Variants in PCSK4 observed in about 807,000 individuals in gnomAD.
The protein encoded by PCSK4 is proprotein convertase subtilisin/kexin type 4.
A neutral mutation model predicts 80.3 loss-of-function variants in PCSK4; 64 were observed. That is an observed-to-expected ratio of 0.80 (90% confidence interval 0.65 to 0.98). The LOEUF (loss-of-function observed/expected upper bound fraction) is 0.98. PCSK4 is among the 50% of genes least tolerant of loss of function. The probability of loss-of-function intolerance (pLI) is 0.00; values close to 1 mark genes in which losing one functional copy is unlikely to be tolerated. For synonymous variants in PCSK4, 561 were observed against 487.6 expected, an observed-to-expected ratio of 1.15 and a Z score of -1.98; for missense variants, 1,213 against 1,093.6, an observed-to-expected ratio of 1.11 and a Z score of -1.54.
exon 14 of PCSK4, chr19:1,482,353 C>T (rs1286268345): frequency 1.3e-6 from 2 of 1,540,654 alleles, no homozygotes; most frequent in East Asian, 2.4e-5. Context: ...CGGCACTCAC[C>T]CTGGCACAGC....
chr19:1,489,090 A>T (rs1398620606), intron 2 of PCSK4, among the ~76,000 whole-genome samples: 1 of 149,146 alleles, frequency 6.7e-6, no homozygotes, highest in Non-Finnish European at 1.5e-5. Context: ...GCGCCTGGAC[A>T]CTGCGTCCTG....
At chr19:1,487,910 G>A (rs2084722813) in intron 4 of PCSK4, 49 bp from the exon 5 acceptor site, 5 of 1,581,466 alleles carry the variant, frequency 3.2e-6, no homozygotes, top group Non-Finnish European at 4.3e-6. Context: ...CCCTAGGGTG[G>A]TGCCAGCCTC....
chr19:1,489,922 A>T, intron 1 of PCSK4, 25 bp from the exon 2 acceptor site: 1 of 1,581,732 alleles, frequency 6.3e-7, no homozygotes, highest in Non-Finnish European at 8.6e-7. Context: ...AAGCGGCCGC[A>T]CCGATGGGAC....
At chr19:1,488,887 C>G (rs2084786456) in intron 2 of PCSK4, among the ~76,000 whole-genome samples, 2 of 152,176 alleles carry the variant, frequency 1.3e-5, no homozygotes, top group South Asian at 4.1e-4. Context: ...GGCCTGGCTT[C>G]TCTCTTGCAA....
chr19:1,490,333 G>C (rs770806695), exon 1 of PCSK4: 3 of 1,326,036 alleles, frequency 2.3e-6, no homozygotes, highest in South Asian at 2.7e-5. Context: ...CAGCGCAATC[G>C]GGGCGGGCCG....
upstream of PCSK4, chr19:1,490,541 C>A: frequency 2.0e-6 from 1 of 504,126 alleles, no homozygotes; most frequent in South Asian, 3.0e-5. Context: ...GCCTGCCCGT[C>A]TTCCGCAGAC....
rs563429080 is a variant in PCSK4 at position 1,484,007 on chromosome 19, C to T, written c.1169+20G>A. 38 of 1,517,468 alleles carry T rather than the reference C, an allele frequency of 2.5e-5. No individual in the cohort carries two copies. Among genetic ancestry groups the T allele is most frequent in the Non-Finnish European group, 2.6e-5 (30 of 1,133,314 alleles). 94.0% of individuals were successfully genotyped at this position (1,517,468 alleles called of 1,614,324 possible). A position where few individuals can be genotyped will look rare whatever the true frequency, so the allele number is the denominator to read the frequency against. ...GCGCCTGGGGGCGAGGGCGGTGGAC[C>T]GGGCCCCGCAGTCACCTACTTGGCC... On this transcript the variant is annotated intron_variant, in intron 9 of 14. Coordinates refer to ENST00000300954, the Ensembl canonical transcript of PCSK4.
exon 9 of PCSK4, chr19:1,484,087 G>T: frequency 6.4e-7 from 1 of 1,567,164 alleles, no homozygotes; most frequent in South Asian, 1.2e-5. Context: ...CGAGGTGCCC[G>T]TGTGCTGGTC....
intron 12 of PCSK4, 105 bp downstream of exon 12, chr19:1,483,179 G>A: frequency 7.7e-7 from 1 of 1,301,920 alleles, no homozygotes; most frequent in Non-Finnish European, 1.0e-6. Flanking sequence ...AGGCTGCCGT[G>A]TGACTCCTAT....
At chr19:1,484,837 G>C (rs1004007630) in intron 8 of PCSK4, among the ~76,000 whole-genome samples, 2 of 151,764 alleles carry the variant, frequency 1.3e-5, no homozygotes, top group African/African-American at 2.4e-5. Flanking sequence ...ATAGTACCAA[G>C]AACTGAAGTC....
At chr19:1,486,094 T>C (rs1385058295) in intron 8 of PCSK4, among the ~76,000 whole-genome samples, 1 of 151,964 alleles carries the variant, frequency 6.6e-6, no homozygotes, top group East Asian at 1.9e-4. Flanking sequence ...TGCCTCAGCC[T>C]CCTGAGTAGC....
At chr19:1,482,444 A>G (rs771543816) in exon 14 of PCSK4, 11 of 1,607,634 alleles carry the variant, frequency 6.8e-6, no homozygotes, top group Non-Finnish European at 8.5e-6. Context: ...CGGCCGTCCC[A>G]TAGAGCAGCA....
chr19:1,487,118 G>A, intron 7 of PCSK4, 23 bp downstream of exon 7: 1 of 1,602,390 alleles, frequency 6.2e-7, no homozygotes. Context: ...TGCCACCCCT[G>A]CCCTCCTCGG....
At chr19:1,481,938 C>A in exon 15 of PCSK4, 2 of 1,597,334 alleles carry the variant, frequency 1.3e-6, no homozygotes, top group Non-Finnish European at 1.7e-6. Flanking sequence ...CAGGCGGCAG[C>A]TCTAAGCCGG....
chr19:1,487,634 ACCAC>A lies in PCSK4; in HGVS notation c.647_650del (p.Cys216LeufsTer29), dbSNP rs1405630787. ...TTCGGGCGTTGAAAGCGACCCCCACACCACAGAAGCCATTGTTGGCCATCGCGGC... is the reference window on the plus strand; with the variant it reads ...TTCGGGCGTTGAAAGCGACCCCCACAAGAAGCCATTGTTGGCCATCGCGGC... On this transcript the variant is annotated frameshift_variant, in exon 6 of 15. Coordinates refer to ENST00000300954, the Ensembl canonical transcript of PCSK4. LOFTEE classifies it high-confidence loss of function. 1 of 1,553,788 alleles carries A rather than the reference ACCAC, an allele frequency of 6.4e-7. No individual in the cohort carries two copies. Among genetic ancestry groups the A allele is most frequent in the South Asian group, 1.2e-5 (1 of 84,260 alleles).
intron 6 of PCSK4, 48 bp downstream of exon 6, chr19:1,487,555 C>T (rs568169170): frequency 1.1e-5 from 16 of 1,466,544 alleles, no homozygotes; most frequent in Non-Finnish European, 1.4e-5. Context: ...CAGAGTCACC[C>T]CCTTCCCTCT....
In PCSK4 at chr19:1,490,292, C is replaced by T. The variant is rs758854277; in HGVS notation, c.55G>A (p.Val19Ile). The T allele has an allele frequency of 4.4e-6, 7 of 1,580,850 alleles. No homozygotes were observed. In the South Asian group the frequency reaches 6.8e-5, roughly 15 times the overall value. Residue 19 changes from valine (V) to isoleucine (I), a missense_variant, in exon 1 of 15, where the codon GTC (valine) becomes ATC (isoleucine). Transcript: ENST00000300954. ...GCCCACCCCACAGCCCGGGGGCGGA[C>T]AAGGGCCAGGGCCAAGACCAGGCGC...
chr19:1,487,649 G>C, exon 6 of PCSK4: 1 of 1,555,086 alleles, frequency 6.4e-7, no homozygotes, highest in South Asian at 1.2e-5. Flanking sequence ...AGAAGCCATT[G>C]TTGGCCATCG....
At chr19:1,483,565 C>T in intron 11 of PCSK4, 85 bp downstream of exon 11, 2 of 1,420,140 alleles carry the variant, frequency 1.4e-6, no homozygotes, top group Non-Finnish European at 1.9e-6. Context: ...GTCCAGCCCT[C>T]GTTTTACAGA....
Sources: allele counts gnomAD v4.1 joint callset (sites outside exome capture counted in the v4.1 genomes callset), GRCh38; gene constraint gnomAD v4.1.1; transcripts MANE v1.5; gene names NCBI Gene and HGNC (gene_info 2026-07-23, HGNC 2026-07-21).